Variants in GPATCH8 observed in about 807,000 individuals in gnomAD.
The protein encoded by GPATCH8 is G-patch domain containing 8.
In GPATCH8, 18 loss-of-function variants were observed where a neutral mutation model predicts 118.3. The ratio of observed to expected loss-of-function variants is 0.15; its 90% CI spans 0.11 to 0.23. GPATCH8 has a LOEUF of 0.23. Among genes scored for constraint, GPATCH8 ranks in the 10% least tolerant of loss-of-function variants. GPATCH8 has a pLI of 1.00. For missense variants in GPATCH8, 1,631 were observed against 1,873.8 expected, an observed-to-expected ratio of 0.87 and a Z score of 2.39; for synonymous variants, 659 against 684.7, an observed-to-expected ratio of 0.96 and a Z score of 0.59.
chr17:44,461,743 G>C (rs942941659), intron 3 of GPATCH8, among the ~76,000 whole-genome samples: 19 of 151,970 alleles, frequency 1.3e-4, no homozygotes, highest in African/African-American at 4.6e-4. Flanking sequence ...ACCCAGGCTA[G>C]AGCGTAGTGG....
intron 5 of GPATCH8, among the ~76,000 whole-genome samples, chr17:44,426,908 G>A (rs77569933): frequency 6.6e-6 from 1 of 151,758 alleles, no homozygotes; most frequent in East Asian, 1.9e-4. Context: ...CCAGAAGACA[G>A]TGGTACAATA....
chr17:44,479,840 G>A (rs947859406), intron 1 of GPATCH8, among the ~76,000 whole-genome samples: 1 of 151,942 alleles, frequency 6.6e-6, no homozygotes, highest in Non-Finnish European at 1.5e-5. Context: ...GGTGGTGCGT[G>A]CCTGTAATCC....
At chr17:44,421,741 T>G (rs1334037179) in intron 6 of GPATCH8, among the ~76,000 whole-genome samples, 1 of 151,500 alleles carries the variant, frequency 6.6e-6, no homozygotes, top group African/African-American at 2.4e-5. Flanking sequence ...TTCTTTTTTT[T>G]TTTGAGACAG....
At chr17:44,450,714 C>T (rs1034076954) in intron 3 of GPATCH8, among the ~76,000 whole-genome samples, 1 of 152,044 alleles carries the variant, frequency 6.6e-6, no homozygotes, top group Non-Finnish European at 1.5e-5. Context: ...TATTATAAAA[C>T]ACTTTTTACT....
At chr17:44,429,901 C>T (rs1304071413) in intron 5 of GPATCH8, among the ~76,000 whole-genome samples, 5 of 151,772 alleles carry the variant, frequency 3.3e-5, no homozygotes, top group Non-Finnish European at 7.4e-5. Context: ...TGGTGGCGCA[C>T]GCCTGTAATC....
intron 5 of GPATCH8, among the ~76,000 whole-genome samples, chr17:44,428,815 C>A (rs1197900145): frequency 1.3e-5 from 2 of 151,670 alleles, no homozygotes; most frequent in East Asian, 3.9e-4. Flanking sequence ...CAGAGTGAGA[C>A]CCTATCTCAA....
chr17:44,433,084 G>GC (rs1598477494), intron 5 of GPATCH8, among the ~76,000 whole-genome samples: 1 of 151,942 alleles, frequency 6.6e-6, no homozygotes, highest in East Asian at 1.9e-4. Context: ...CTGGGCTCAA[G>GC]CAATCCTCCC....
In GPATCH8 at chr17:44,407,768, T is replaced by C. The variant is rs532299285; in HGVS notation, c.493-1717A>G. 2.6e-5 allele frequency among the ~76,000 whole-genome samples: 4 copies of C among 151,912 alleles called. No individual in the cohort carries two copies. The East Asian group carries it at 7.8e-4, about 30-fold the overall frequency. On this transcript the variant is annotated intron_variant, in intron 6 of 7. Coordinates refer to ENST00000591680, the MANE Select transcript of GPATCH8 (RefSeq NM_001002909.4). Reference sequence around the variant, plus strand: ...GCCTCCCAGGTTTAAGAGATTCTCATGCGTTAGCCTCCCAAGTAGCTGGGA... The same window carrying C: ...GCCTCCCAGGTTTAAGAGATTCTCACGCGTTAGCCTCCCAAGTAGCTGGGA...
At position 44,400,707 on chromosome 17, in the gene GPATCH8, G is replaced by C. The variant is rs1202636842; in HGVS notation, c.1370C>G (p.Thr457Arg). Residue 457 changes from threonine (T) to arginine (R), a missense_variant, in exon 8 of 8, where the codon ACA becomes AGA. Physicochemically the swap from Thr to Arg is moderately conservative, Grantham distance 71 (BLOSUM62 -1). Transcript: ENST00000591680. The part of the protein sequence containing the change: ...KAAASQGAEK[T>R]VSEVSEQPKE... ...CGGCTGCTCAGAGACTTCACTAACT[G>C]TCTTTTCTGCTCCTTGGCTTGCTGC... is the stretch of plus-strand genomic sequence containing the variant. 2 of 1,611,222 alleles carry C rather than the reference G, an allele frequency of 1.2e-6. No homozygotes were observed. The highest frequency in any genetic ancestry group is 1.7e-6 in the Non-Finnish European group (2 of 1,178,344).
intron 1 of GPATCH8, among the ~76,000 whole-genome samples, chr17:44,480,112 A>G (rs1044880941): frequency 1.3e-5 from 2 of 152,088 alleles, no homozygotes; most frequent in African/African-American, 4.8e-5. Flanking sequence ...AAAATTCTCA[A>G]AAGAGGGGAA....
rs398030921 is a variant in GPATCH8 at position 44,406,496 on chromosome 17, TGGG to T, written c.493-448_493-446del. Reference sequence around the variant, plus strand: ...CTTGAAAAGCAATGTACAGCTTACATGGGGGGGGGGGGTTATTTAAATTAGAAC... The same window carrying T: ...CTTGAAAAGCAATGTACAGCTTACATGGGGGGGGGTTATTTAAATTAGAAC... On this transcript the variant is annotated intron_variant, in intron 6 of 7. Transcript: ENST00000591680. Among the ~76,000 whole-genome samples the T allele has an allele frequency of 9.5e-5, 2 of 21,070 alleles. 1 individual carries two copies. The highest frequency in any genetic ancestry group is 1.7e-4 in the Non-Finnish European group (2 of 11,478). The allele number at this position is 21,070 out of a possible 152,430, so 13.8% of individuals were successfully genotyped here.
intron 1 of GPATCH8, among the ~76,000 whole-genome samples, chr17:44,499,970 C>G (rs1277694050): frequency 2.0e-5 from 3 of 151,496 alleles, no homozygotes; most frequent in Admixed American, 2.0e-4. Flanking sequence ...AATATATCCT[C>G]TATGACACAA....
chr17:44,428,557 C>A (rs2050173596), intron 5 of GPATCH8, among the ~76,000 whole-genome samples: 1 of 151,396 alleles, frequency 6.6e-6, no homozygotes, highest in Non-Finnish European at 1.5e-5. Context: ...AATCCCAGCA[C>A]TTTGGGAGGT....
intron 3 of GPATCH8, among the ~76,000 whole-genome samples, chr17:44,439,069 AT>A (rs1316579863): frequency 6.6e-6 from 1 of 152,206 alleles, no homozygotes; most frequent in Non-Finnish European, 1.5e-5. Flanking sequence ...TTTAAAAGAA[AT>A]GACATCTAAG....
At chr17:44,414,117 G>GTATATGTGTATA (rs2049572655) in intron 6 of GPATCH8, among the ~76,000 whole-genome samples, 1 of 138,090 alleles carries the variant, frequency 7.2e-6, no homozygotes, top group Non-Finnish European at 1.5e-5. Context: ...ATATATATAT[G>GTATATGTGTATA]TATATATATG....
intron 3 of GPATCH8, among the ~76,000 whole-genome samples, chr17:44,454,968 A>G (rs984984592): frequency 3.9e-5 from 6 of 152,238 alleles, no homozygotes; most frequent in African/African-American, 1.4e-4. Flanking sequence ...AACAGAGATT[A>G]TAGCTACATG....
chr17:44,405,180 CAATT>C (rs1156370257), intron 7 of GPATCH8, among the ~76,000 whole-genome samples: 1 of 150,702 alleles, frequency 6.6e-6, no homozygotes, highest in Non-Finnish European at 1.5e-5. Flanking sequence ...TGTTATCTGT[CAATT>C]AATAAAAACT....
chr17:44,488,516 C>T (rs769229369), intron 1 of GPATCH8, among the ~76,000 whole-genome samples: 30 of 151,468 alleles, frequency 2.0e-4, no homozygotes, highest in Non-Finnish European at 3.8e-4. Flanking sequence ...ATTACAGGTG[C>T]GTGCCACCAA....
intron 5 of GPATCH8, among the ~76,000 whole-genome samples, chr17:44,430,493 T>C (rs143718928): frequency 2.0e-4 from 30 of 152,276 alleles, no homozygotes; most frequent in East Asian, 3.9e-4. Context: ...CTCTCTTTCA[T>C]GGTAAAAACA....
Sources: allele counts gnomAD v4.1 joint callset (sites outside exome capture counted in the v4.1 genomes callset), GRCh38; gene constraint gnomAD v4.1.1; transcripts MANE v1.5; gene names NCBI Gene and HGNC (gene_info 2026-07-23, HGNC 2026-07-21).